Variants in LINGO2 observed in about 807,000 individuals in gnomAD.
LINGO2 encodes the protein leucine rich repeat and Ig domain containing 2.
In LINGO2, 14 loss-of-function variants were observed where a neutral mutation model predicts 30.6. The observed-to-expected ratio is 0.46, with a 90% CI of 0.30 to 0.72. The LOEUF is 0.72. Among genes scored for constraint, LINGO2 ranks in the 30% least tolerant of loss-of-function variants. The probability of loss-of-function intolerance (pLI) is 0.07; values close to 1 mark genes in which losing one functional copy is unlikely to be tolerated. For missense variants in LINGO2, 729 were observed against 751.7 expected (o/e 0.97, Z 0.35); for synonymous variants, 317 against 288.5 (o/e 1.10, Z -1.00).
chr9:28,695,353 C>T, the LINGO2 span, among the ~76,000 whole-genome samples: 1 of 151,736 alleles, frequency 6.6e-6, no homozygotes, highest in Non-Finnish European at 1.5e-5. Flanking sequence ...CCAGTTTGGT[C>T]AAAGAGGCAG....
At chr9:29,013,117 G>C in the LINGO2 span, among the ~76,000 whole-genome samples, 1 of 152,260 alleles carries the variant, frequency 6.6e-6, no homozygotes, top group African/African-American at 2.4e-5. Context: ...ATCTCGTATT[G>C]ACTGTAATCG....
chr9:28,010,099 T>G (rs1226956340), intron 5 of LINGO2, among the ~76,000 whole-genome samples: 1 of 152,200 alleles, frequency 6.6e-6, no homozygotes, highest in Non-Finnish European at 1.5e-5. Flanking sequence ...CTTGATATCA[T>G]TACGCAAAGT....
In LINGO2 at chr9:28,348,237, C is replaced by T. The variant is rs144496667; in HGVS notation, c.-246+24599G>A. 5.6e-3 allele frequency among the ~76,000 whole-genome samples: 854 copies of T among 152,146 alleles called. 34 individuals carry two copies. The East Asian group carries it at 0.11, about 19-fold the overall frequency. On this transcript the variant is annotated intron_variant, in intron 3 of 5. Transcript: ENST00000379992. ...ATTTCTGCATTTCCATCTGAGGTAC[C>T]GGGTTCATCTCACTAGGGAGTGCCA... is the stretch of plus-strand genomic sequence containing the variant.
At chr9:28,804,988 A>C in the LINGO2 span, among the ~76,000 whole-genome samples, 2 of 152,180 alleles carry the variant, frequency 1.3e-5, no homozygotes, top group Admixed American at 6.5e-5. Context: ...TGTTTTAAAC[A>C]TTCAGGCCCT....
the LINGO2 span, among the ~76,000 whole-genome samples, chr9:29,207,154 T>C: frequency 6.6e-6 from 1 of 151,650 alleles, no homozygotes; most frequent in Non-Finnish European, 1.5e-5. Flanking sequence ...ATAAAGTATA[T>C]ATAAAGAAGA....
chr9:28,383,254 T>TTGTGTGTGTGTGTGTG (rs3065590), intron 2 of LINGO2, among the ~76,000 whole-genome samples: 159 of 73,682 alleles, frequency 2.2e-3, no homozygotes, highest in African/African-American at 7.9e-4. Context: ...TCACCATTCA[T>TTGTGTGTGTGTGTGTG]TGTGTGTGTG....
At chr9:28,864,308 AT>A in the LINGO2 span, among the ~76,000 whole-genome samples, 2 of 152,098 alleles carry the variant, frequency 1.3e-5, no homozygotes, top group Admixed American at 1.3e-4. Context: ...CCAAGTAAGT[AT>A]TTTTTCATAT....
At chr9:28,812,250 T>C in the LINGO2 span, among the ~76,000 whole-genome samples, 1 of 152,144 alleles carries the variant, frequency 6.6e-6, no homozygotes, top group Non-Finnish European at 1.5e-5. Flanking sequence ...TGCAAGAATA[T>C]CTGGTAGTAC....
At chr9:29,131,401 GT>G in the LINGO2 span, among the ~76,000 whole-genome samples, 1 of 152,008 alleles carries the variant, frequency 6.6e-6, no homozygotes, top group Non-Finnish European at 1.5e-5. Flanking sequence ...AGACTGCTAA[GT>G]ACCACCAGTC....
At chr9:28,901,506 A>G in the LINGO2 span, among the ~76,000 whole-genome samples, 1 of 152,108 alleles carries the variant, frequency 6.6e-6, no homozygotes, top group South Asian at 2.1e-4. Flanking sequence ...AGGCGCAATT[A>G]TTTGTTAAGG....
chr9:28,095,516 G>A (rs1826218909), intron 4 of LINGO2, among the ~76,000 whole-genome samples: 1 of 151,932 alleles, frequency 6.6e-6, no homozygotes, highest in African/African-American at 2.4e-5. Flanking sequence ...TATGTAGAAA[G>A]CTGAAACTGG....
the LINGO2 span, among the ~76,000 whole-genome samples, chr9:28,890,388 T>C: frequency 6.6e-6 from 1 of 152,056 alleles, no homozygotes; most frequent in African/African-American, 2.4e-5. Flanking sequence ...GGGTACACAC[T>C]TGTGTACCAG....
the LINGO2 span, among the ~76,000 whole-genome samples, chr9:29,079,562 A>G: frequency 6.6e-6 from 1 of 152,052 alleles, no homozygotes; most frequent in African/African-American, 2.4e-5. Flanking sequence ...CCAATATCAT[A>G]TATTCTGTTC....
chr9:28,200,887 C>A (rs1820206443), intron 4 of LINGO2, among the ~76,000 whole-genome samples: 1 of 152,044 alleles, frequency 6.6e-6, no homozygotes, highest in Non-Finnish European at 1.5e-5. Flanking sequence ...TTTAAATACT[C>A]AGGTGAATCT....
chr9:28,342,516 C>T lies in LINGO2; in HGVS notation c.-246+30320G>A, dbSNP rs554270558. On this transcript the variant is annotated intron_variant, in intron 3 of 5. Coordinates refer to ENST00000379992, the Ensembl canonical transcript of LINGO2. ...TCTCAAATCTCTTGTCAGGTATCCT[C>T]GTGGCTGCTTTTCAGCTTAAGGCCT... Among the ~76,000 whole-genome samples the T allele has an allele frequency of 4.6e-5, 7 of 152,200 alleles. No individual in the cohort carries two copies. In the South Asian group the frequency reaches 8.3e-4, roughly 18 times the overall value.
intron 4 of LINGO2, among the ~76,000 whole-genome samples, chr9:28,141,526 T>C (rs1827671722): frequency 6.6e-6 from 1 of 152,234 alleles, no homozygotes; most frequent in African/African-American, 2.4e-5. Flanking sequence ...TCATCTTGTA[T>C]TGATTTTTAT....
intron 2 of LINGO2, among the ~76,000 whole-genome samples, chr9:28,407,898 CA>C (rs1300361367): frequency 6.6e-6 from 1 of 151,928 alleles, no homozygotes; most frequent in African/African-American, 2.4e-5. Context: ...AGCATTCTAA[CA>C]GAATAAAAAC....
At chr9:28,412,522 T>G (rs903233638) in intron 2 of LINGO2, among the ~76,000 whole-genome samples, 1 of 152,120 alleles carries the variant, frequency 6.6e-6, no homozygotes, top group African/African-American at 2.4e-5. Flanking sequence ...TGCAGAAAAC[T>G]CTAAAGTTTC....
chr9:29,000,367 G>A, the LINGO2 span, among the ~76,000 whole-genome samples: 97,368 of 151,616 alleles, frequency 0.64, 32,045 homozygotes, highest in Non-Finnish European at 0.72. Flanking sequence ...CCCAGAGTCT[G>A]CATACACACT....
Sources: allele counts gnomAD v4.1 joint callset (sites outside exome capture counted in the v4.1 genomes callset), GRCh38; gene constraint gnomAD v4.1.1; transcripts MANE v1.5; gene names NCBI Gene and HGNC (gene_info 2026-07-23, HGNC 2026-07-21).